TSHZ2: variants seen among roughly 807,000 people sequenced by gnomAD.
TSHZ2 encodes the protein teashirt zinc finger homeobox 2, also known as teashirt homolog 2.
In TSHZ2, 21 loss-of-function variants were observed where a neutral mutation model predicts 74.4. The observed-to-expected ratio is 0.28, with a 90% CI of 0.20 to 0.41. The LOEUF (loss-of-function observed/expected upper bound fraction) is 0.41. Among genes scored for constraint, TSHZ2 ranks in the 10% least tolerant of loss-of-function variants. The pLI is 1.00. For missense variants in TSHZ2, 1,244 were observed against 1,293.5 expected, an observed-to-expected ratio of 0.96 and a Z score of 0.59; for synonymous variants, 540 against 515.3, an observed-to-expected ratio of 1.05 and a Z score of -0.65.
chr20:53,009,431 T>C (rs1982771295), intron 1 of TSHZ2, among the ~76,000 whole-genome samples: 1 of 152,156 alleles, frequency 6.6e-6, no homozygotes, highest in Non-Finnish European at 1.5e-5. Context: ...TGATAAACCG[T>C]GTGTGCAAAG....
At chr20:53,435,915 TCA>T (rs1984038932) in intron 2 of TSHZ2, among the ~76,000 whole-genome samples, 1 of 152,244 alleles carries the variant, frequency 6.6e-6, no homozygotes, top group Non-Finnish European at 1.5e-5. Flanking sequence ...ACCCTGTGTC[TCA>T]GTTTCCTCGT....
intron 1 of TSHZ2, among the ~76,000 whole-genome samples, chr20:53,127,733 G>A (rs895017754): frequency 2.6e-5 from 4 of 152,304 alleles, no homozygotes; most frequent in African/African-American, 9.6e-5. Context: ...ATTGAAAACT[G>A]TGAGGCAGAG....
At chr20:53,178,384 T>C (rs1295246725) in intron 1 of TSHZ2, 1 of 152,260 alleles carries the variant, frequency 6.6e-6, no homozygotes, top group Non-Finnish European at 1.5e-5. Context: ...GAAGGGACCA[T>C]AGAGCTAATC....
chr20:53,365,733 A>C (rs1981235733), intron 2 of TSHZ2, among the ~76,000 whole-genome samples: 2 of 152,182 alleles, frequency 1.3e-5, no homozygotes, highest in Non-Finnish European at 2.9e-5. Flanking sequence ...TGCTCTTCTC[A>C]GCCAAATCCA....
intron 1 of TSHZ2, among the ~76,000 whole-genome samples, chr20:53,129,583 TATG>T (rs1987044236): frequency 6.6e-6 from 1 of 152,232 alleles, no homozygotes; most frequent in African/African-American, 2.4e-5. Flanking sequence ...ATTACATTGT[TATG>T]ATACAATTTA....
At chr20:53,401,439 G>C (rs1467548644) in intron 2 of TSHZ2, among the ~76,000 whole-genome samples, 1 of 152,040 alleles carries the variant, frequency 6.6e-6, no homozygotes, top group Non-Finnish European at 1.5e-5. Flanking sequence ...GGTGGTGTTT[G>C]GTTACATGGG....
chr20:53,136,416 CT>C (rs1214196017), intron 1 of TSHZ2, among the ~76,000 whole-genome samples: 1 of 151,206 alleles, frequency 6.6e-6, no homozygotes, highest in East Asian at 1.9e-4. Context: ...TTAATTTGAG[CT>C]TACATGGCAG....
chr20:53,313,800 T>C (rs1019627632), intron 2 of TSHZ2, among the ~76,000 whole-genome samples: 8 of 152,210 alleles, frequency 5.3e-5, no homozygotes, highest in African/African-American at 1.9e-4. Context: ...CCGAATCTGC[T>C]TCCATTTGCA....
At position 53,255,677 on chromosome 20, in the gene TSHZ2, C is replaced by T. The variant is rs763413101; in HGVS notation, c.2219C>T (p.Pro740Leu). The T allele has an allele frequency of 1.3e-5, 20 of 1,584,954 alleles. No individual in the cohort carries two copies. The highest frequency in any genetic ancestry group is 1.7e-4 in the Middle Eastern group (1 of 5,924). ...TCGAATCTCAATGTCATGGACAAGC[C>T]GGTCTTGAGTCCTGCCTCCACAAGG... ...HKSNLNVMDK[P>L]VLSPASTRSA... The change falls in exon 2 of 3, where the codon CCG becomes CTG. Residue 740 changes from proline to leucine, a missense_variant. Pro to Leu is a moderately conservative substitution (Grantham distance 98). This residue lies in a region of TSHZ2 where 562 missense variants were observed against 544.0 expected (regional missense o/e 1.03). Transcript: ENST00000371497. This position sits in a 1 kb window ranked among gnomAD's most constrained non-coding sequence, Gnocchi z 4.1.
At chr20:53,201,642 T>G (rs182127399) in intron 1 of TSHZ2, among the ~76,000 whole-genome samples, 375 of 152,308 alleles carry the variant, frequency 2.5e-3, no homozygotes, top group Non-Finnish European at 4.3e-3. Context: ...GTAGACATCT[T>G]TGGATGCCAT....
intron 1 of TSHZ2, among the ~76,000 whole-genome samples, chr20:53,051,465 A>G (rs1984464345): frequency 1.6e-5 from 2 of 126,242 alleles, no homozygotes; most frequent in African/African-American, 9.6e-5. Flanking sequence ...ACGCACACAC[A>G]CACACACACA....
At chr20:53,075,506 G>T (rs918315413) in intron 1 of TSHZ2, among the ~76,000 whole-genome samples, 3 of 152,176 alleles carry the variant, frequency 2.0e-5, no homozygotes, top group Non-Finnish European at 4.4e-5. Context: ...TAAAAGGAGC[G>T]ACAAATCAGG....
intron 2 of TSHZ2, among the ~76,000 whole-genome samples, chr20:53,435,162 G>A (rs1215495759): frequency 6.6e-6 from 1 of 152,214 alleles, no homozygotes; most frequent in Non-Finnish European, 1.5e-5. Flanking sequence ...AGAAAATTTA[G>A]ATAAGGAACA....
At chr20:53,387,724 T>C (rs971691216) in intron 2 of TSHZ2, among the ~76,000 whole-genome samples, 1 of 152,132 alleles carries the variant, frequency 6.6e-6, no homozygotes, top group Non-Finnish European at 1.5e-5. Context: ...CAGGTGGGCT[T>C]GGCAAGAATG....
intron 1 of TSHZ2, among the ~76,000 whole-genome samples, chr20:53,134,722 T>A (rs1269860859): frequency 6.6e-6 from 1 of 152,200 alleles, no homozygotes; most frequent in Non-Finnish European, 1.5e-5. Context: ...TAATTTTACA[T>A]AATTACGATC....
At chr20:53,093,548 G>A (rs775101866) in intron 1 of TSHZ2, among the ~76,000 whole-genome samples, 4 of 152,158 alleles carry the variant, frequency 2.6e-5, no homozygotes, top group Non-Finnish European at 5.9e-5. Context: ...TTTGTGCCTT[G>A]GGACATTTAC....
chr20:53,375,552 C>CT (rs1429689359), intron 2 of TSHZ2, among the ~76,000 whole-genome samples: 3 of 152,110 alleles, frequency 2.0e-5, no homozygotes, highest in African/African-American at 4.8e-5. Context: ...ATTTCAGTCC[C>CT]TTTTTTACCT....
chr20:53,472,902 C>A (rs1031097944), intron 2 of TSHZ2, among the ~76,000 whole-genome samples: 6 of 152,104 alleles, frequency 3.9e-5, no homozygotes, highest in Non-Finnish European at 5.9e-5. Context: ...TGACGGACGG[C>A]ACCTGGAAAT....
chr20:53,397,366 C>T (rs1172416750), intron 2 of TSHZ2, among the ~76,000 whole-genome samples: 2 of 152,148 alleles, frequency 1.3e-5, no homozygotes, highest in African/African-American at 4.8e-5. Context: ...CCAACAGACA[C>T]ATGAAAAAAT....
Sources: gnomAD v4.1 joint callset for allele counts (sites outside exome capture counted in the v4.1 genomes callset) on GRCh38, gnomAD v4.1.1 for gene constraint, gnomAD v4.1.1 regional missense constraint, Gnocchi (gnomAD v3.1) non-coding constraint, MANE v1.5 for transcripts, NCBI Gene and HGNC (gene_info 2026-07-23, HGNC 2026-07-21) for gene names.